The following PHLDB2 variants were observed in gnomAD, a reference collection of about 807,000 sequenced individuals.
PHLDB2 encodes pleckstrin homology-like domain family B member 2.
Under a neutral mutation model 123.6 loss-of-function variants are expected in PHLDB2, and 71 were observed. The ratio of observed to expected loss-of-function variants is 0.57; its 90% CI spans 0.47 to 0.70. The LOEUF is 0.70. PHLDB2 is among the 30% of genes least tolerant of loss of function. The pLI, the probability that PHLDB2 is intolerant of heterozygous loss-of-function variation, is 0.00. For synonymous variants in PHLDB2, 547 were observed against 541.6 expected, an observed-to-expected ratio of 1.01 and a Z score of -0.14; for missense variants, 1,446 against 1,519.5, an observed-to-expected ratio of 0.95 and a Z score of 0.80.
At chr3:111,857,450 C>CA (rs72339280), upstream of PHLDB2, among the ~76,000 whole-genome samples, 65,934 of 112,704 alleles carry the variant, frequency 0.59, 19,125 homozygotes, top group East Asian at 0.73. Flanking sequence ...GGCCCTGTCT[C>CA]AAAAAAAAAA....
chr3:111,827,012 G>A (rs899141018), intron 1 of PHLDB2, among the ~76,000 whole-genome samples: 1 of 152,148 alleles, frequency 6.6e-6, no homozygotes, highest in Admixed American at 6.5e-5. Context: ...AATGCTTTTT[G>A]TGCATTAGCT....
At chr3:111,947,849 T>C (rs982516115) in intron 9 of PHLDB2, among the ~76,000 whole-genome samples, 2 of 152,210 alleles carry the variant, frequency 1.3e-5, no homozygotes, top group Admixed American at 6.5e-5. Context: ...TCAAGGTTTT[T>C]ACCAAAAATC....
intron 4 of PHLDB2, 71 bp downstream of exon 4, chr3:111,919,286 A>T: frequency 6.6e-7 from 1 of 1,517,218 alleles, no homozygotes; most frequent in East Asian, 2.3e-5. Context: ...TTATTCAGGA[A>T]TAGGCTTTGG....
At chr3:111,742,102 C>T (rs2059613252) in intron 1 of PHLDB2, among the ~76,000 whole-genome samples, 1 of 152,162 alleles carries the variant, frequency 6.6e-6, no homozygotes, top group Non-Finnish European at 1.5e-5. Flanking sequence ...CTACACATGT[C>T]TGGTTTGGCT....
chr3:111,895,055 G>GA (rs869241290), intron 2 of PHLDB2, among the ~76,000 whole-genome samples: 5 of 77,304 alleles, frequency 6.5e-5, no homozygotes, highest in South Asian at 5.3e-4. Context: ...AACTGAGAGT[G>GA]AAAAAAAAAA....
chr3:111,915,496 C>G (rs2068119874), intron 3 of PHLDB2: 1 of 152,350 alleles, frequency 6.6e-6, no homozygotes, highest in South Asian at 2.1e-4. Flanking sequence ...GTGGTGCAAT[C>G]TAGGCTCACT....
chr3:111,827,623 G>C (rs1454634874), intron 1 of PHLDB2, among the ~76,000 whole-genome samples: 1 of 147,820 alleles, frequency 6.8e-6, no homozygotes, highest in Non-Finnish European at 1.5e-5. Context: ...GCAGTGAGCC[G>C]AGATTGGAGA....
chr3:111,792,719 C>A (rs2060982940), intron 1 of PHLDB2, among the ~76,000 whole-genome samples: 1 of 151,846 alleles, frequency 6.6e-6, no homozygotes. Context: ...ATTAAAAAAA[C>A]AAAAACAAAA....
chr3:111,767,435 A>G (rs1396098729), intron 1 of PHLDB2, among the ~76,000 whole-genome samples: 3 of 152,244 alleles, frequency 2.0e-5, no homozygotes, highest in Non-Finnish European at 2.9e-5. Context: ...TGAATCAAAT[A>G]TCTGATGACA....
intron 12 of PHLDB2, among the ~76,000 whole-genome samples, chr3:111,954,836 G>T (rs185612808): frequency 1.9e-3 from 284 of 152,304 alleles, no homozygotes; most frequent in African/African-American, 6.6e-3. Context: ...ATAAAATGTG[G>T]TAAATGAAAT....
At chr3:111,908,052 A>G (rs1033771077) in intron 2 of PHLDB2, among the ~76,000 whole-genome samples, 8 of 152,250 alleles carry the variant, frequency 5.3e-5, no homozygotes, top group Middle Eastern at 3.4e-3. Context: ...AGTTTCCCAC[A>G]TGGTTAATTT....
chr3:111,946,735 G>A (rs1017023626), intron 9 of PHLDB2, among the ~76,000 whole-genome samples: 2 of 152,158 alleles, frequency 1.3e-5, no homozygotes, highest in Admixed American at 6.5e-5. Flanking sequence ...TGTAATGGGA[G>A]GCCTTTAAGT....
At chr3:111,816,121 C>T (rs1209618117) in intron 1 of PHLDB2, among the ~76,000 whole-genome samples, 1 of 152,238 alleles carries the variant, frequency 6.6e-6, no homozygotes, top group Non-Finnish European at 1.5e-5. Flanking sequence ...CACTTGGATG[C>T]CCATGCAGAA....
rs766067834 is a variant in PHLDB2, at chr3:111,966,713, A to G, written c.3168+10A>G. ...GCTGCTCGAATCCAGGGTAAGCTTC[A>G]TATTTTCATGCCGGAGGTCTGTGAT... On this transcript the variant is annotated intron_variant, in intron 14 of 17. Transcript: ENST00000431670. 1.7e-5 allele frequency: 27 copies of G among 1,609,320 alleles called. No individual in the cohort carries two copies. The highest frequency in any genetic ancestry group is 2.0e-5 in the Non-Finnish European group (24 of 1,177,250).
intron 2 of PHLDB2, among the ~76,000 whole-genome samples, chr3:111,901,056 A>T (rs979082828): frequency 6.6e-6 from 1 of 152,050 alleles, no homozygotes; most frequent in Non-Finnish European, 1.5e-5. Flanking sequence ...ACTTTGTGAC[A>T]TGCTTTTAAA....
At chr3:111,950,262 C>T (rs2070621329) in intron 10 of PHLDB2, among the ~76,000 whole-genome samples, 1 of 152,212 alleles carries the variant, frequency 6.6e-6, no homozygotes, top group South Asian at 2.1e-4. Context: ...TTTTATTATA[C>T]ATAGTTGAAA....
chr3:111,777,540 A>G (rs2060288344), intron 1 of PHLDB2, among the ~76,000 whole-genome samples: 1 of 152,142 alleles, frequency 6.6e-6, no homozygotes, highest in South Asian at 2.1e-4. Flanking sequence ...GAATATTTTT[A>G]GAAGAGCAAA....
chr3:111,896,276 A>G (rs2066859213), intron 2 of PHLDB2, among the ~76,000 whole-genome samples: 1 of 151,948 alleles, frequency 6.6e-6, no homozygotes, highest in Non-Finnish European at 1.5e-5. Flanking sequence ...TTTAAAAGCT[A>G]TTTATTGAGC....
chr3:111,925,003 A>T (rs1369941538), intron 5 of PHLDB2, among the ~76,000 whole-genome samples: 1 of 151,194 alleles, frequency 6.6e-6, no homozygotes, highest in Non-Finnish European at 1.5e-5. Context: ...TAATTTTTAC[A>T]TTTTTAATAG....
Sources: gnomAD v4.1 joint callset for allele counts (sites outside exome capture counted in the v4.1 genomes callset) on GRCh38, gnomAD v4.1.1 for gene constraint, MANE v1.5 for transcripts, NCBI Gene and HGNC (gene_info 2026-07-23, HGNC 2026-07-21) for gene names.